AK3: variants seen among roughly 807,000 people sequenced by gnomAD.
The protein encoded by AK3 is GTP:AMP phosphotransferase AK3, mitochondrial.
In AK3, 27 loss-of-function variants were observed where a neutral mutation model predicts 23.7. That is an observed-to-expected ratio of 1.14 (90% CI 0.84 to 1.57). The LOEUF (loss-of-function observed/expected upper bound fraction) is 1.57. Among genes scored for constraint, AK3 ranks in the 40% most tolerant of loss-of-function variants. AK3 has a pLI of 0.00. For missense variants in AK3, 406 were observed against 285.6 expected (o/e 1.42, Z -3.04); for synonymous variants, 159 against 116.0 (o/e 1.37, Z -2.38).
At chr9:4,735,463 T>G (rs1314844024) in intron 1 of AK3, among the ~76,000 whole-genome samples, 1 of 42,424 alleles carries the variant, frequency 2.4e-5, no homozygotes, top group Non-Finnish European at 5.2e-5. Context: ...ACATAGTATA[T>G]GTGTATATAT....
rs1841583652 is a variant in AK3, at chr9:4,712,360, A to G, written c.*616T>C. On this transcript the variant is annotated 3_prime_UTR_variant, in exon 5 of 5. Transcript: ENST00000381809. ...TATATGCTAATTGATACATCTTTATAGCAAATTGAAAATTCTGAGTAAACT... is the reference window on the plus strand; with the variant it reads ...TATATGCTAATTGATACATCTTTATGGCAAATTGAAAATTCTGAGTAAACT... The G allele has an allele frequency of 6.6e-6, 1 of 152,220 alleles. No homozygotes were observed. The highest frequency in any genetic ancestry group is 2.1e-4 in the South Asian group (1 of 4,838). 9.4% of individuals were successfully genotyped at this position (152,220 alleles called of 1,614,324 possible). A position where few individuals can be genotyped will look rare whatever the true frequency, so the allele number is the denominator to read the frequency against.
At chr9:4,718,393 A>G (rs754330244) in intron 4 of AK3, 26 bp downstream of exon 4, 1 of 1,539,526 alleles carries the variant, frequency 6.5e-7, no homozygotes, top group Non-Finnish European at 9.0e-7. Flanking sequence ...ACTACGCAAG[A>G]GAAGTTCTGA....
intron 4 of AK3, among the ~76,000 whole-genome samples, chr9:4,715,945 C>G (rs907086375): frequency 7.9e-5 from 12 of 152,120 alleles, no homozygotes; most frequent in Middle Eastern, 3.2e-3. Flanking sequence ...GGTGCCGACC[C>G]CAAGACTTTT....
chr9:4,729,797 C>G (rs1019105466), intron 1 of AK3, among the ~76,000 whole-genome samples: 2 of 149,436 alleles, frequency 1.3e-5, no homozygotes, highest in Non-Finnish European at 3.0e-5. Context: ...CACCACTGCA[C>G]TCCAGCCTTG....
rs1401069467 is a variant in AK3 at position 4,712,746 on chromosome 9, G to A, written c.*230C>T. 2.9e-6 allele frequency: 1 copy of A among 344,214 alleles called. No individual in the cohort carries two copies. The highest frequency in any genetic ancestry group is 5.1e-6 in the Non-Finnish European group (1 of 197,394). The allele number at this position is 344,214 out of a possible 1,614,324, so 21.3% of individuals were successfully genotyped here. ...ATGTTTTAAAGGTTCAGACATCGCT[G>A]ATGTTTTTGAGGATAACTGCATACA... On this transcript the variant is annotated 3_prime_UTR_variant, in exon 5 of 5. Transcript: ENST00000381809.
At chr9:4,722,656 G>C in intron 1 of AK3, 31 bp from the exon 2 acceptor site, 1 of 1,613,970 alleles carries the variant, frequency 6.2e-7, no homozygotes, top group Non-Finnish European at 8.5e-7. Flanking sequence ...AAATCAGTAA[G>C]TGCATTTGTT....
Position 4,729,947 on chromosome 9 carries a change from G to T in AK3, c.152-7322C>A, listed in dbSNP as rs917124935. 2.6e-5 allele frequency among the ~76,000 whole-genome samples: 4 copies of T among 152,000 alleles called. No homozygotes were observed. In the South Asian group the frequency reaches 8.3e-4, roughly 31 times the overall value. ...ACAAGTCAAATGTCCATCAACTGAT[G>T]AACAGGTAAATAAAATGTGGTATAT... On this transcript the variant is annotated intron_variant, in intron 1 of 4. Coordinates refer to ENST00000381809, the MANE Select transcript of AK3 (RefSeq NM_016282.4).
intron 1 of AK3, among the ~76,000 whole-genome samples, chr9:4,723,495 A>T (rs1357031712): frequency 6.6e-6 from 1 of 152,192 alleles, no homozygotes; most frequent in Non-Finnish European, 1.5e-5. Context: ...ATGATTTATG[A>T]ACAATTTAAT....
At chr9:4,734,884 AAAG>A (rs1403612821) in intron 1 of AK3, among the ~76,000 whole-genome samples, 1 of 152,176 alleles carries the variant, frequency 6.6e-6, no homozygotes. Flanking sequence ...AAGCTAAATG[AAAG>A]AAGCCAGTCA....
At chr9:4,719,376 G>A in intron 2 of AK3, 69 bp from the exon 3 acceptor site, 1 of 1,051,218 alleles carries the variant, frequency 9.5e-7, no homozygotes, top group Non-Finnish European at 1.3e-6. Flanking sequence ...TGGGGCGGGT[G>A]GAGAAAGAAG....
chr9:4,736,974 A>T (rs916431287), intron 1 of AK3, among the ~76,000 whole-genome samples: 1 of 152,028 alleles, frequency 6.6e-6, no homozygotes, highest in African/African-American at 2.4e-5. Context: ...CACCACACCT[A>T]GCCAGGGTTA....
intron 4 of AK3, among the ~76,000 whole-genome samples, chr9:4,714,479 A>G (rs1360139648): frequency 6.6e-6 from 1 of 152,182 alleles, no homozygotes; most frequent in Non-Finnish European, 1.5e-5. Flanking sequence ...CATTCTTGGG[A>G]TATTAGAAAC....
rs1563779362 is a variant in AK3 at position 4,712,430 on chromosome 9, C to T, written c.*546G>A. The T allele has an allele frequency of 6.6e-6, 1 of 152,202 alleles. No individual in the cohort carries two copies. Among genetic ancestry groups the T allele is most frequent in the African/African-American group, 2.4e-5 (1 of 41,428 alleles). The allele number at this position is 152,202 out of a possible 1,614,324, so 9.4% of individuals were successfully genotyped here. Reference sequence around the variant, plus strand: ...AAATAAATACAGCATATATGGTTAACATATACATTTCTTAGTGTAAAGGCA... The same window carrying T: ...AAATAAATACAGCATATATGGTTAATATATACATTTCTTAGTGTAAAGGCA... On this transcript the variant is annotated 3_prime_UTR_variant, in exon 5 of 5. Coordinates refer to ENST00000381809, the MANE Select transcript of AK3 (RefSeq NM_016282.4).
At chr9:4,723,058 G>A (rs1281161966) in intron 1 of AK3, among the ~76,000 whole-genome samples, 1 of 151,416 alleles carries the variant, frequency 6.6e-6, no homozygotes, top group Non-Finnish European at 1.5e-5. Flanking sequence ...GCAACAGAGT[G>A]AGACTCCGTC....
intron 1 of AK3, among the ~76,000 whole-genome samples, chr9:4,731,467 G>A (rs1346618864): frequency 6.6e-6 from 1 of 151,816 alleles, no homozygotes; most frequent in Non-Finnish European, 1.5e-5. Flanking sequence ...TTTTATGGCT[G>A]CACAGTATTT....
intron 1 of AK3, among the ~76,000 whole-genome samples, chr9:4,735,036 G>C (rs1842237792): frequency 6.6e-6 from 1 of 151,430 alleles, no homozygotes; most frequent in East Asian, 1.9e-4. Context: ...CGGCTAATAG[G>C]TATGAAGTTT....
intron 4 of AK3, 84 bp from the exon 5 acceptor site, chr9:4,713,180 G>T: frequency 6.6e-7 from 1 of 1,508,694 alleles, no homozygotes; most frequent in South Asian, 1.3e-5. Flanking sequence ...TGTAAATAAT[G>T]ATATTGTAGA....
At chr9:4,732,419 T>C (rs1425877802) in intron 1 of AK3, among the ~76,000 whole-genome samples, 1 of 152,184 alleles carries the variant, frequency 6.6e-6, no homozygotes, top group Non-Finnish European at 1.5e-5. Flanking sequence ...TACATGTGGA[T>C]TTTTGACTAC....
chr9:4,714,511 G>C (rs1278058311), intron 4 of AK3, among the ~76,000 whole-genome samples: 1 of 152,136 alleles, frequency 6.6e-6, no homozygotes, highest in Non-Finnish European at 1.5e-5. Flanking sequence ...TAAATTCACT[G>C]GCACCTGGTA....
Sources: allele counts gnomAD v4.1 joint callset (sites outside exome capture counted in the v4.1 genomes callset), GRCh38; gene constraint gnomAD v4.1.1; transcripts MANE v1.5; gene names NCBI Gene and HGNC (gene_info 2026-07-23, HGNC 2026-07-21).